EXOC4: variants seen among roughly 807,000 people sequenced by gnomAD.
The protein encoded by EXOC4 is SEC8-like 1.
EXOC4 carries 71 observed loss-of-function variants against 107.2 expected under a neutral mutation model. The ratio of observed to expected loss-of-function variants is 0.66; its 90% confidence interval spans 0.55 to 0.81. The LOEUF (loss-of-function observed/expected upper bound fraction) is 0.81, where lower values mean the gene tolerates loss of function less well. Among genes scored for constraint, EXOC4 ranks in the 30% least tolerant of loss-of-function variants. EXOC4 has a pLI of 0.00. For missense variants in EXOC4, 1,108 were observed against 1,189.6 expected, an observed-to-expected ratio of 0.93 and a Z score of 1.01; for synonymous variants, 456 against 441.2, an observed-to-expected ratio of 1.03 and a Z score of -0.42.
At chr7:133,278,429 G>A (rs1794049300) in intron 2 of EXOC4, among the ~76,000 whole-genome samples, 1 of 152,172 alleles carries the variant, frequency 6.6e-6, no homozygotes, top group Non-Finnish European at 1.5e-5. Context: ...ACCAGGGAGG[G>A]GAGACTAGGG....
At chr7:133,601,924 A>C (rs1239039148) in intron 9 of EXOC4, 1 of 152,280 alleles carries the variant, frequency 6.6e-6, no homozygotes, top group African/African-American at 2.4e-5. Context: ...TCTGTTTTGA[A>C]GAAGGCCTCC....
At chr7:134,044,008 T>C (rs1795587926) in intron 17 of EXOC4, among the ~76,000 whole-genome samples, 1 of 152,210 alleles carries the variant, frequency 6.6e-6, no homozygotes, top group Non-Finnish European at 1.5e-5. Flanking sequence ...GTCTAGGAAC[T>C]GGATCAGCAG....
At chr7:133,484,158 CAGTCT>C in intron 9 of EXOC4, 2 of 1,605,390 alleles carry the variant, frequency 1.2e-6, no homozygotes, top group Non-Finnish European at 1.7e-6. Context: ...AAATGTGACT[CAGTCT>C]AACAACACCC....
chr7:133,971,811 G>T (rs1801246170), intron 14 of EXOC4, among the ~76,000 whole-genome samples: 1 of 152,190 alleles, frequency 6.6e-6, no homozygotes, highest in Admixed American at 6.5e-5. Context: ...ACCAGTGGCA[G>T]TCTGCACTGT....
At chr7:133,827,294 C>T (rs1415285753) in intron 11 of EXOC4, among the ~76,000 whole-genome samples, 1 of 152,024 alleles carries the variant, frequency 6.6e-6, no homozygotes, top group African/African-American at 2.4e-5. Flanking sequence ...GCAGAACAGG[C>T]CCATTATATG....
chr7:133,647,510 G>A (rs1462185157), intron 10 of EXOC4, among the ~76,000 whole-genome samples: 1 of 152,116 alleles, frequency 6.6e-6, no homozygotes, highest in East Asian at 1.9e-4. Context: ...AGATGAAGTA[G>A]CTTGACAAAG....
Position 133,478,311 on chromosome 7 carries a change from G to GA in EXOC4, c.1329-1739_1329-1738insA, listed in dbSNP as rs1366364011. ...CAGTGCTTCTGAAGTTGTGGTATTG[G>GA]GAAAAAAAAAAAAAGAAATTGTTGG... On this transcript the variant is annotated intron_variant, in intron 8 of 17. Coordinates refer to ENST00000253861, the MANE Select transcript of EXOC4 (RefSeq NM_021807.4). 5.6e-3 allele frequency among the ~76,000 whole-genome samples: 602 copies of GA among 106,616 alleles called. 3 individuals are homozygous for GA. The highest frequency in any genetic ancestry group is 0.011 in the Middle Eastern group (2 of 180). 69.9% of individuals were successfully genotyped at this position (106,616 alleles called of 152,430 possible).
intron 14 of EXOC4, among the ~76,000 whole-genome samples, chr7:133,954,397 A>G (rs980212597): frequency 6.6e-6 from 1 of 152,214 alleles, no homozygotes; most frequent in Non-Finnish European, 1.5e-5. Flanking sequence ...TGAAGCTGTA[A>G]TCATTAGGAA....
chr7:133,966,680 C>G (rs201876844), intron 14 of EXOC4, among the ~76,000 whole-genome samples: 2 of 152,074 alleles, frequency 1.3e-5, no homozygotes, highest in Non-Finnish European at 2.9e-5. Context: ...GAAGCCAACT[C>G]GATCATGGTG....
intron 5 of EXOC4, among the ~76,000 whole-genome samples, chr7:133,327,173 C>T (rs1252109990): frequency 1.3e-5 from 2 of 152,212 alleles, no homozygotes; most frequent in East Asian, 3.9e-4. Flanking sequence ...GGCGATGCTT[C>T]GCCCTGCTTC....
In EXOC4 at chr7:133,400,976, T is replaced by C. The variant is rs949947408; in HGVS notation, c.1182+25974T>C. Among the ~76,000 whole-genome samples the C allele has an allele frequency of 3.9e-5, 6 of 152,192 alleles. No individual in the cohort carries two copies. In the East Asian group the frequency reaches 9.6e-4, roughly 24 times the overall value. ...GAGGAGCTGTTTGTAGCCAGAGGTT[T>C]CTGGTTGAACTCAGGTTCCTAAACT... On this transcript the variant is annotated intron_variant, in intron 7 of 17. Transcript: ENST00000253861.
At chr7:134,017,848 G>A (rs577557369) in intron 17 of EXOC4, among the ~76,000 whole-genome samples, 1 of 152,144 alleles carries the variant, frequency 6.6e-6, no homozygotes, top group Non-Finnish European at 1.5e-5. Flanking sequence ...TGCTCAATTA[G>A]TGTCACCATA....
chr7:134,059,533 C>T (rs148310563), intron 17 of EXOC4, among the ~76,000 whole-genome samples: 1 of 152,140 alleles, frequency 6.6e-6, no homozygotes, highest in East Asian at 1.9e-4. Flanking sequence ...TAGATGCTGC[C>T]CATATGTTGT....
At position 133,786,354 on chromosome 7, in the gene EXOC4, G is replaced by A. The variant is rs1796569106; in HGVS notation, c.1515-30971G>A. 2.0e-5 allele frequency among the ~76,000 whole-genome samples: 3 copies of A among 152,170 alleles called. No individual in the cohort carries two copies. In the South Asian group the frequency reaches 6.2e-4, roughly 32 times the overall value. On this transcript the variant is annotated intron_variant, in intron 10 of 17. Coordinates refer to ENST00000253861, the MANE Select transcript of EXOC4 (RefSeq NM_021807.4). Reference sequence around the variant, plus strand: ...CTGCTGATACTGTGCACATCACCTAGAGCAAAGGCAAGGCCATGAGACAGA... The same window carrying A: ...CTGCTGATACTGTGCACATCACCTAAAGCAAAGGCAAGGCCATGAGACAGA...
downstream of EXOC4, among the ~76,000 whole-genome samples, chr7:134,069,416 CT>C (rs112359844): frequency 6.7e-6 from 1 of 149,414 alleles, no homozygotes. Context: ...CTCCTTCCTC[CT>C]TCCTCCTCTT....
At chr7:134,006,961 G>C (rs1375831744) in intron 16 of EXOC4, among the ~76,000 whole-genome samples, 1 of 152,122 alleles carries the variant, frequency 6.6e-6, no homozygotes, top group East Asian at 1.9e-4. Flanking sequence ...CAACCCTCCA[G>C]ACCTAAGAGC....
chr7:133,515,256 CT>C (rs1799849864), intron 9 of EXOC4, among the ~76,000 whole-genome samples: 1 of 151,904 alleles, frequency 6.6e-6, no homozygotes, highest in East Asian at 1.9e-4. Flanking sequence ...TCAGGACATA[CT>C]TTTTTAGGTG....
the EXOC4 span, among the ~76,000 whole-genome samples, chr7:134,075,413 A>G: frequency 4.6e-5 from 7 of 152,200 alleles, no homozygotes; most frequent in African/African-American, 1.7e-4. Flanking sequence ...AAAGGGGTTT[A>G]ATGGACTCAC....
intron 7 of EXOC4, among the ~76,000 whole-genome samples, chr7:133,433,769 A>G (rs1282236212): frequency 6.6e-6 from 1 of 152,204 alleles, no homozygotes; most frequent in Non-Finnish European, 1.5e-5. Flanking sequence ...GTCTCTGGTT[A>G]CTGGCAAAAC....
Sources: allele counts gnomAD v4.1 joint callset (sites outside exome capture counted in the v4.1 genomes callset), GRCh38; gene constraint gnomAD v4.1.1; transcripts MANE v1.5; gene names NCBI Gene and HGNC (gene_info 2026-07-23, HGNC 2026-07-21).